Variants in SYNE1 observed in about 807,000 individuals in gnomAD.
The protein encoded by SYNE1 is nesprin-1.
A neutral mutation model predicts 1,111.0 loss-of-function variants in SYNE1; 616 were observed. The observed-to-expected ratio is 0.55, with a 90% confidence interval of 0.52 to 0.59. The LOEUF (loss-of-function observed/expected upper bound fraction) is 0.59, where lower values mean the gene tolerates loss of function less well. SYNE1 is among the 20% of genes least tolerant of loss of function. SYNE1 has a pLI of 0.00. For synonymous variants in SYNE1, 3,855 were observed against 3,825.8 expected (o/e 1.01, Z -0.28); for missense variants, 10,006 against 10,417.0 (o/e 0.96, Z 1.72).
chr6:152,344,257 G>A, intron 73 of SYNE1, 30 bp from the exon 74 acceptor site: 1 of 1,613,926 alleles, frequency 6.2e-7, no homozygotes, highest in Non-Finnish European at 8.5e-7. Flanking sequence ...CTGAGATTAT[G>A]AGAACTGCTT....
chr6:152,364,453 C>CTTTT (rs5880969), intron 63 of SYNE1, among the ~76,000 whole-genome samples: 2 of 148,088 alleles, frequency 1.4e-5, no homozygotes, highest in Non-Finnish European at 3.0e-5. Context: ...CATTATGAAT[C>CTTTT]TTTTTTTTTT....
chr6:152,294,084 G>C lies in SYNE1; in HGVS notation c.17726C>G (p.Thr5909Arg). The C allele has an allele frequency of 6.2e-7, 1 of 1,613,874 alleles. No homozygotes were observed. The change falls in exon 94 of 146, where the codon ACA becomes AGA. Residue 5909 changes from threonine to arginine, a missense_variant. This residue lies in a region of SYNE1 where 4,955 missense variants were observed against 5,017.2 expected (regional missense o/e 0.99). Coordinates refer to ENST00000367255, the MANE Select transcript of SYNE1 (RefSeq NM_182961.4). ...YQALSAERLQ[T>R]DAAKIHPSTS... is the part of the protein sequence containing the mutation. ...GCTGGGGTGAATTTTTGCAGCATCT[G>C]TCTGCAACCTCTCAGCAGACAAGGC...
chr6:152,319,990 C>T (rs1017255172), intron 84 of SYNE1: 12 of 152,170 alleles, frequency 7.9e-5, no homozygotes, highest in African/African-American at 2.9e-4. Flanking sequence ...AAAACCTTGT[C>T]TCTTTTTACT....
At position 152,391,457 on chromosome 6, in the gene SYNE1, T is replaced by C; in HGVS notation, c.7824A>G (p.Leu2608=). Residue 2608 remains leucine (L), a synonymous_variant, in exon 52 of 146, where the codon CTA becomes CTG. Coordinates refer to ENST00000367255, the MANE Select transcript of SYNE1 (RefSeq NM_182961.4). ...CSQLLTSHQN[L]LRMTKEKLRS... is the part of the protein sequence containing the mutation. The stretch of plus-strand genomic sequence containing the variant: ...GGAGTTTCTCTTTGGTCATTCTAAG[T>C]AGGTTCTGGTGGCTTGTGAGGAGCT... 6.2e-7 allele frequency: 1 copy of C among 1,613,636 alleles called. No individual in the cohort carries two copies. Among genetic ancestry groups the C allele is most frequent in the Middle Eastern group, 1.6e-4 (1 of 6,062 alleles).
intron 3 of SYNE1, among the ~76,000 whole-genome samples, chr6:152,554,762 T>C (rs1463994901): frequency 6.6e-6 from 1 of 152,188 alleles, no homozygotes; most frequent in Non-Finnish European, 1.5e-5. Flanking sequence ...CTGAATATGA[T>C]ACCATTTTTC....
chr6:152,374,103 A>G (rs2097237195), intron 58 of SYNE1, among the ~76,000 whole-genome samples: 1 of 152,248 alleles, frequency 6.6e-6, no homozygotes, highest in Non-Finnish European at 1.5e-5. Flanking sequence ...ATAAAAAAAT[A>G]ACAAGAGAGT....
chr6:152,368,887 G>GCAAT (rs1290857739), intron 61 of SYNE1, 85 bp downstream of exon 61: 112 of 1,580,250 alleles, frequency 7.1e-5, no homozygotes, highest in Non-Finnish European at 9.5e-5. Context: ...GGGTCAGGAT[G>GCAAT]CAATGCACAC....
chr6:152,264,206 C>CAAAAAAAAA (rs56714685), intron 100 of SYNE1, among the ~76,000 whole-genome samples: 2 of 45,896 alleles, frequency 4.4e-5, no homozygotes, highest in African/African-American at 9.0e-5. Context: ...GACTCCATCT[C>CAAAAAAAAA]AAAAAAAAAA....
intron 97 of SYNE1, among the ~76,000 whole-genome samples, chr6:152,281,409 A>G (rs980918700): frequency 1.3e-5 from 2 of 152,204 alleles, no homozygotes; most frequent in African/African-American, 2.4e-5. Flanking sequence ...TCCGAATAAT[A>G]TATCAGGATT....
intron 113 of SYNE1, 117 bp from the exon 114 acceptor site, chr6:152,231,684 A>G: frequency 9.2e-7 from 1 of 1,082,748 alleles, no homozygotes; most frequent in Non-Finnish European, 1.3e-6. Context: ...ACTCAGCTGA[A>G]ATGGCACAAT....
At chr6:152,398,315 G>C (rs2097766226) in intron 49 of SYNE1, among the ~76,000 whole-genome samples, 1 of 152,024 alleles carries the variant, frequency 6.6e-6, no homozygotes, top group South Asian at 2.1e-4. Flanking sequence ...ATATAATACA[G>C]ATACAATTAT....
At chr6:152,618,086 T>G (rs1392457093) in intron 3 of SYNE1, among the ~76,000 whole-genome samples, 2 of 152,194 alleles carry the variant, frequency 1.3e-5, no homozygotes, top group Non-Finnish European at 2.9e-5. Flanking sequence ...TCACTGCTGT[T>G]GTGTTTTGAA....
chr6:152,404,118 C>T lies in SYNE1; in HGVS notation c.6825+95G>A, dbSNP rs214953. 0.3 allele frequency: 100,592 copies of T among 330,402 alleles called. 10,609 individuals are homozygous for T. Among genetic ancestry groups the T allele is most frequent in the East Asian group, 0.49 (7,801 of 15,918 alleles). The allele number at this position is 330,402 out of a possible 1,614,324, so 20.5% of individuals were successfully genotyped here. On this transcript the variant is annotated intron_variant, in intron 46 of 145. Transcript: ENST00000367255. Reference sequence around the variant, plus strand: ...TAGATATATGAGATATATATATATACACACACACACACACACACAGAGACA... The same window carrying T: ...TAGATATATGAGATATATATATATATACACACACACACACACACAGAGACA...
rs143901339 is a variant in SYNE1, at chr6:152,264,964, T to G, written c.18816-2776A>C. 6.8e-3 allele frequency among the ~76,000 whole-genome samples: 1,031 copies of G among 152,052 alleles called. 13 individuals carry two copies. The highest frequency in any genetic ancestry group is 0.023 in the African/African-American group (972 of 41,494). Reference sequence around the variant, plus strand: ...GTGGCTCACACCTGTAAACACAGCATTTTGGGAGGCCAAGGTGGGTGGATC... The same window carrying G: ...GTGGCTCACACCTGTAAACACAGCAGTTTGGGAGGCCAAGGTGGGTGGATC... On this transcript the variant is annotated intron_variant, in intron 100 of 145. Transcript: ENST00000367255.
At chr6:152,311,112 T>C (rs940653013) in intron 87 of SYNE1, 4 of 543,212 alleles carry the variant, frequency 7.4e-6, no homozygotes, top group East Asian at 3.3e-5. Context: ...TCATACTACG[T>C]GTGGGACCAT....
At chr6:152,488,591 T>TACTA in intron 11 of SYNE1, 88 bp from the exon 12 acceptor site, 7 of 777,088 alleles carry the variant, frequency 9.0e-6, no homozygotes, top group Non-Finnish European at 1.3e-5. Context: ...AGAAGAGACT[T>TACTA]AATATTTAGT....
chr6:152,333,185 A>T (rs912029635), intron 77 of SYNE1, among the ~76,000 whole-genome samples: 1 of 152,170 alleles, frequency 6.6e-6, no homozygotes. Flanking sequence ...TCATATAATG[A>T]TCCAGTATGT....
intron 46 of SYNE1, 100 bp downstream of exon 46, chr6:152,404,113 A>ATC (rs1391718105): frequency 2.8e-6 from 2 of 712,506 alleles, no homozygotes; most frequent in African/African-American, 3.6e-5. Context: ...AGATATATAT[A>ATC]TATACACACA....
At chr6:152,349,223 C>T (rs2096698602) in intron 72 of SYNE1, among the ~76,000 whole-genome samples, 1 of 152,170 alleles carries the variant, frequency 6.6e-6, no homozygotes, top group African/African-American at 2.4e-5. Context: ...GTGGTAAACA[C>T]GATTACTAAA....
Sources: allele counts gnomAD v4.1 joint callset (sites outside exome capture counted in the v4.1 genomes callset), GRCh38; gene constraint gnomAD v4.1.1; regional missense constraint gnomAD v4.1.1; transcripts MANE v1.5; gene names NCBI Gene and HGNC (gene_info 2026-07-23, HGNC 2026-07-21).